Variants in CPLX2 observed in about 807,000 individuals in gnomAD.
CPLX2 encodes the protein complexin-2.
In CPLX2, 5 loss-of-function variants were observed where a neutral mutation model predicts 16.3. The observed-to-expected ratio is 0.31, with a 90% CI of 0.16 to 0.64. The LOEUF is 0.64. Among genes scored for constraint, CPLX2 ranks in the 30% least tolerant of loss-of-function variants. CPLX2 has a pLI of 0.79. For missense variants in CPLX2, 144 were observed against 181.4 expected (o/e 0.79, Z 1.18); for synonymous variants, 89 against 73.2 (o/e 1.22, Z -1.10).
In CPLX2 at chr5:175,849,187, G is replaced by A. The variant is rs528425805; in HGVS notation, c.-88-29465G>A. Among the ~76,000 whole-genome samples, 1 of 152,316 alleles carries A rather than the reference G, an allele frequency of 6.6e-6. No homozygotes were observed. The highest frequency in any genetic ancestry group is 2.1e-4 in the South Asian group (1 of 4,826). ...GGACCGATGTCCACACTTCACAGGT[G>A]GAAACAGAGCACAAAACAGTCAGTT... On this transcript the variant is annotated intron_variant, in intron 2 of 4. Transcript: ENST00000359546. The surrounding 1 kb of genome is among the most constrained non-coding windows in gnomAD (Gnocchi z 4.4).
At chr5:175,869,670 G>A (rs1010127625), upstream of CPLX2, among the ~76,000 whole-genome samples, 6 of 152,082 alleles carry the variant, frequency 3.9e-5, no homozygotes, top group Admixed American at 6.5e-5. Flanking sequence ...TGCCCCCTCC[G>A]TGTTCTTTCT....
chr5:175,811,235 C>A (rs893758780), intron 2 of CPLX2, among the ~76,000 whole-genome samples: 3 of 152,196 alleles, frequency 2.0e-5, no homozygotes, highest in Non-Finnish European at 2.9e-5. Context: ...TCTGAGTTAA[C>A]AAAGTCATAC....
chr5:175,798,440 G>A (rs1010918370), intron 1 of CPLX2, among the ~76,000 whole-genome samples: 1 of 152,204 alleles, frequency 6.6e-6, no homozygotes, highest in Non-Finnish European at 1.5e-5. Flanking sequence ...GAAACAAACA[G>A]TTGCAATATG....
intron 1 of CPLX2, among the ~76,000 whole-genome samples, chr5:175,874,266 G>A (rs189648819): frequency 2.0e-5 from 3 of 152,330 alleles, no homozygotes; most frequent in Admixed American, 1.3e-4. Context: ...GTCACAGAGT[G>A]GAGGGTGGGG....
At position 175,883,514 on chromosome 5, in the gene CPLX2, A is replaced by G. The variant is rs576439345; in HGVS notation, c.*3469A>G. 1 of 152,298 alleles carries G rather than the reference A, an allele frequency of 6.6e-6. No individual in the cohort carries two copies. Among genetic ancestry groups the G allele is most frequent in the South Asian group, 2.1e-4 (1 of 4,836 alleles). 9.4% of individuals were successfully genotyped at this position (152,298 alleles called of 1,614,324 possible). On this transcript the variant is annotated 3_prime_UTR_variant, in exon 4 of 4. Transcript: ENST00000393745. ...CCCCACAGCCTTGTGGCTAGAGTACAGTGGGGTAGACCCTCCAGCCCCAAT... is the reference window on the plus strand; with the variant it reads ...CCCCACAGCCTTGTGGCTAGAGTACGGTGGGGTAGACCCTCCAGCCCCAAT...
At chr5:175,797,278 G>A (rs2443544) in intron 1 of CPLX2, among the ~76,000 whole-genome samples, 28,339 of 152,208 alleles carry the variant, frequency 0.19, 2,735 homozygotes, top group South Asian at 0.24. Context: ...TTCTCCCAGA[G>A]AGGTGTCACC....
chr5:175,874,858 A>G (rs933010566), intron 1 of CPLX2, among the ~76,000 whole-genome samples: 1 of 151,950 alleles, frequency 6.6e-6, no homozygotes, highest in Non-Finnish European at 1.5e-5. Flanking sequence ...ACTTTAAAGG[A>G]AAGGAAAGGA....
At chr5:175,799,120 C>G (rs1055938106) in intron 1 of CPLX2, among the ~76,000 whole-genome samples, 1 of 152,164 alleles carries the variant, frequency 6.6e-6, no homozygotes, top group African/African-American at 2.4e-5. Flanking sequence ...TTTACCATGC[C>G]AGAATTGTTC....
rs76814852 is a variant in CPLX2, at chr5:175,801,785, C to T, written c.-169+5001C>T. 7.1e-3 allele frequency among the ~76,000 whole-genome samples: 1,088 copies of T among 152,284 alleles called. 24 individuals are homozygous for T. Among genetic ancestry groups the T allele is most frequent in the African/African-American group, 0.024 (1,016 of 41,558 alleles). On this transcript the variant is annotated intron_variant, in intron 1 of 4. Transcript: ENST00000359546. ...CGGAGCAAAATGGAGATGGGCGAGC[C>T]GGGAGCACATGCCAAGAAGTGTCCA... is the stretch of plus-strand genomic sequence containing the variant.
chr5:175,852,611 G>A (rs1759179592), intron 2 of CPLX2, among the ~76,000 whole-genome samples: 1 of 152,296 alleles, frequency 6.6e-6, no homozygotes, highest in South Asian at 2.1e-4. Flanking sequence ...TTTCTGGATA[G>A]GGAAACTGAG....
At chr5:175,858,700 G>A (rs866625488) in intron 2 of CPLX2, among the ~76,000 whole-genome samples, 6 of 152,230 alleles carry the variant, frequency 3.9e-5, no homozygotes, top group Admixed American at 1.3e-4. Context: ...AGGATCTTGC[G>A]AAGTTATAGG....
At chr5:175,835,034 C>T (rs1468208968) in intron 2 of CPLX2, among the ~76,000 whole-genome samples, 1 of 152,132 alleles carries the variant, frequency 6.6e-6, no homozygotes, top group Non-Finnish European at 1.5e-5. Flanking sequence ...GGGGACATGG[C>T]AAAGAGAGGG....
At position 175,820,170 on chromosome 5, in the gene CPLX2, G is replaced by A. The variant is rs1369964407; in HGVS notation, c.-89+11102G>A. Among the ~76,000 whole-genome samples, 6 of 152,178 alleles carry A rather than the reference G, an allele frequency of 3.9e-5. No homozygotes were observed. In the East Asian group the frequency reaches 7.7e-4, roughly 20 times the overall value. On this transcript the variant is annotated intron_variant, in intron 2 of 4. Transcript: ENST00000359546. ...CACCGTGTGGCCCTGGACTGGTCACGTCACCTCCCTGAGCCTTAGGCTCTT... is the reference window on the plus strand; with the variant it reads ...CACCGTGTGGCCCTGGACTGGTCACATCACCTCCCTGAGCCTTAGGCTCTT...
chr5:175,842,739 G>A (rs777208017), intron 2 of CPLX2, among the ~76,000 whole-genome samples: 62 of 152,296 alleles, frequency 4.1e-4, no homozygotes, highest in Non-Finnish European at 7.8e-4. Context: ...ACAGGCCTGC[G>A]CCTCTGGGTA....
At chr5:175,853,095 C>A (rs1379839342) in intron 2 of CPLX2, among the ~76,000 whole-genome samples, 1 of 152,224 alleles carries the variant, frequency 6.6e-6, no homozygotes, top group Non-Finnish European at 1.5e-5. Context: ...TGCATTGTTA[C>A]CTTCTGTTAA....
chr5:175,817,304 C>T (rs1758425742), intron 2 of CPLX2, among the ~76,000 whole-genome samples: 1 of 152,244 alleles, frequency 6.6e-6, no homozygotes, highest in Non-Finnish European at 1.5e-5. Context: ...AGACCCTTCA[C>T]CGCTCTGAGT....
chr5:175,802,827 T>C (rs530664962), intron 1 of CPLX2, among the ~76,000 whole-genome samples: 1 of 152,222 alleles, frequency 6.6e-6, no homozygotes, highest in Admixed American at 6.5e-5. Flanking sequence ...TCCTTTCTTT[T>C]TTTTTATTTT....
Position 175,845,504 on chromosome 5 carries a change from C to G in CPLX2, c.-88-33148C>G, listed in dbSNP as rs964516104. On this transcript the variant is annotated intron_variant, in intron 2 of 4. Transcript: ENST00000359546. The surrounding 1 kb of genome is among the most constrained non-coding windows in gnomAD (Gnocchi z 4.0). ...ATCCCATCAGGCAAAGGTCACTCCC[C>G]CTCATGAGGGCCACTCCCCCTAGAG... Among the ~76,000 whole-genome samples the G allele has an allele frequency of 6.6e-6, 1 of 152,342 alleles. No homozygotes were observed. The highest frequency in any genetic ancestry group is 2.1e-4 in the South Asian group (1 of 4,830).
At position 175,809,446 on chromosome 5, in the gene CPLX2, T is replaced by G. The variant is rs1758273586; in HGVS notation, c.-89+378T>G. On this transcript the variant is annotated intron_variant, in intron 2 of 4. Coordinates refer to the CPLX2 transcript ENST00000359546. The surrounding 1 kb of genome is among the most constrained non-coding windows in gnomAD (Gnocchi z 4.4). ...TTTTCATGTCCGTATCCCAATGGCC[T>G]GTGCACATTGTAGGTGCTTGGTACA... 6.6e-6 allele frequency: 1 copy of G among 152,236 alleles called. No homozygotes were observed. Among genetic ancestry groups the G allele is most frequent in the African/African-American group, 2.4e-5 (1 of 41,442 alleles). 9.4% of individuals were successfully genotyped at this position (152,236 alleles called of 1,614,324 possible).
Sources: gnomAD v4.1 joint callset for allele counts (sites outside exome capture counted in the v4.1 genomes callset) on GRCh38, gnomAD v4.1.1 for gene constraint, Gnocchi (gnomAD v3.1) non-coding constraint, MANE v1.5 for transcripts, NCBI Gene and HGNC (gene_info 2026-07-23, HGNC 2026-07-21) for gene names.